Variants in CACNB2 observed in about 807,000 individuals in gnomAD.
CACNB2 encodes the protein voltage-dependent L-type calcium channel subunit beta-2.
In CACNB2, 42 loss-of-function variants were observed where a neutral mutation model predicts 73.3. The observed-to-expected ratio is 0.57, with a 90% confidence interval of 0.45 to 0.74. CACNB2 has a LOEUF of 0.74. Among genes scored for constraint, CACNB2 ranks in the 30% least tolerant of loss-of-function variants. CACNB2 has a pLI of 0.00. For synonymous variants in CACNB2, 348 were observed against 310.3 expected (o/e 1.12, Z -1.28); for missense variants, 940 against 853.0 (o/e 1.10, Z -1.27).
intron 2 of CACNB2, among the ~76,000 whole-genome samples, chr10:18,366,135 A>G (rs1237199591): frequency 6.6e-6 from 1 of 152,148 alleles, no homozygotes; most frequent in Non-Finnish European, 1.5e-5. Context: ...GAGCCTTTCC[A>G]CATCTAGGTC....
At chr10:18,444,545 C>T (rs1012221345) in intron 3 of CACNB2, among the ~76,000 whole-genome samples, 28 of 152,066 alleles carry the variant, frequency 1.8e-4, no homozygotes, top group Admixed American at 3.3e-4. Flanking sequence ...AGTTTTATGG[C>T]GGGAGCAGTG....
intron 2 of CACNB2, among the ~76,000 whole-genome samples, chr10:18,198,084 CT>C (rs2034707894): frequency 6.8e-6 from 1 of 147,266 alleles, no homozygotes; most frequent in Non-Finnish European, 1.5e-5. Flanking sequence ...AACATATTAA[CT>C]TACATAATTA....
intron 3 of CACNB2, among the ~76,000 whole-genome samples, chr10:18,457,062 C>T (rs893493949): frequency 2.0e-5 from 3 of 150,568 alleles, no homozygotes; most frequent in Non-Finnish European, 4.4e-5. Flanking sequence ...ATGCTATGAG[C>T]ATGGGTGCAC....
intron 2 of CACNB2, among the ~76,000 whole-genome samples, chr10:18,254,566 A>G (rs535155287): frequency 6.6e-6 from 1 of 152,334 alleles, no homozygotes; most frequent in African/African-American, 2.4e-5. Context: ...ACCAAAAAAA[A>G]TCCCGTACAT....
chr10:18,444,888 T>A (rs1170796439), intron 3 of CACNB2, among the ~76,000 whole-genome samples: 1 of 152,188 alleles, frequency 6.6e-6, no homozygotes, highest in Non-Finnish European at 1.5e-5. Flanking sequence ...AATGATATCA[T>A]GAGAAGCAAA....
chr10:18,148,727 G>A (rs901631386), intron 1 of CACNB2, among the ~76,000 whole-genome samples: 1 of 152,152 alleles, frequency 6.6e-6, no homozygotes, highest in Non-Finnish European at 1.5e-5. Context: ...GGACATGGTA[G>A]CTCACTCCTG....
chr10:18,193,275 T>TC (rs1048133023), intron 2 of CACNB2, among the ~76,000 whole-genome samples: 4 of 151,688 alleles, frequency 2.6e-5, no homozygotes, highest in African/African-American at 9.7e-5. Flanking sequence ...TCAAGCTTTT[T>TC]TTTTTTTACA....
At chr10:18,300,987 A>G (rs1430060632) in intron 2 of CACNB2, among the ~76,000 whole-genome samples, 10 of 152,364 alleles carry the variant, frequency 6.6e-5, no homozygotes. Context: ...AGTTCCCAAG[A>G]AAATGAGTGA....
At chr10:18,253,283 G>C (rs2037159449) in intron 2 of CACNB2, among the ~76,000 whole-genome samples, 1 of 152,172 alleles carries the variant, frequency 6.6e-6, no homozygotes, top group African/African-American at 2.4e-5. Flanking sequence ...GAATTGCATA[G>C]TAAGGTAAGT....
intron 2 of CACNB2, among the ~76,000 whole-genome samples, chr10:18,190,199 C>T (rs998054408): frequency 6.6e-6 from 1 of 152,184 alleles, no homozygotes; most frequent in African/African-American, 2.4e-5. Flanking sequence ...AAGGGACATG[C>T]TCTCTGGGAT....
At chr10:18,487,025 G>A (rs752433316) in intron 3 of CACNB2, among the ~76,000 whole-genome samples, 10 of 152,170 alleles carry the variant, frequency 6.6e-5, no homozygotes, top group Non-Finnish European at 1.2e-4. Flanking sequence ...AAACGCATGG[G>A]GTTTCATAGT....
intron 2 of CACNB2, among the ~76,000 whole-genome samples, chr10:18,378,043 G>C (rs562975551): frequency 7.2e-5 from 11 of 152,090 alleles, no homozygotes; most frequent in Non-Finnish European, 1.0e-4. Flanking sequence ...TCAGCTGCTT[G>C]TTGGGAAGGC....
At chr10:18,155,061 T>C (rs1378800148) in intron 2 of CACNB2, among the ~76,000 whole-genome samples, 2 of 152,198 alleles carry the variant, frequency 1.3e-5, no homozygotes, top group East Asian at 3.8e-4. Flanking sequence ...TTCTTATTGA[T>C]CATGTAACAT....
At chr10:18,262,431 T>G (rs2037594676) in intron 2 of CACNB2, among the ~76,000 whole-genome samples, 1 of 152,176 alleles carries the variant, frequency 6.6e-6, no homozygotes, top group African/African-American at 2.4e-5. Flanking sequence ...TTTTTGCAGT[T>G]GTTACATATT....
intron 3 of CACNB2, among the ~76,000 whole-genome samples, chr10:18,462,730 A>G (rs142588096): frequency 1.2e-4 from 18 of 151,498 alleles, no homozygotes; most frequent in Admixed American, 8.5e-4. Flanking sequence ...AGTATTTTAT[A>G]TTTTTTACTT....
intron 3 of CACNB2, among the ~76,000 whole-genome samples, chr10:18,432,297 G>C (rs113960835): frequency 6.6e-6 from 1 of 152,254 alleles, no homozygotes; most frequent in African/African-American, 2.4e-5. Context: ...TCACCCAAAA[G>C]CTTCTTCACA....
At chr10:18,418,218 G>A (rs1449898746) in intron 3 of CACNB2, among the ~76,000 whole-genome samples, 1 of 152,164 alleles carries the variant, frequency 6.6e-6, no homozygotes, top group Non-Finnish European at 1.5e-5. Flanking sequence ...GGGACTACAG[G>A]CGCACGCCAC....
chr10:18,169,872 A>G (rs1564312854), intron 2 of CACNB2, among the ~76,000 whole-genome samples: 1 of 152,202 alleles, frequency 6.6e-6, no homozygotes, highest in Non-Finnish European at 1.5e-5. Flanking sequence ...CAACAAGGAC[A>G]TTTATGGACT....
chr10:18,526,031 G>A (rs2133218248), intron 9 of CACNB2, among the ~76,000 whole-genome samples: 1 of 152,250 alleles, frequency 6.6e-6, no homozygotes, highest in Admixed American at 6.5e-5. Flanking sequence ...GAAGATGCCT[G>A]ACAAACTGTC....
Sources: allele counts gnomAD v4.1 joint callset (sites outside exome capture counted in the v4.1 genomes callset), GRCh38; gene constraint gnomAD v4.1.1; transcripts MANE v1.5; gene names NCBI Gene and HGNC (gene_info 2026-07-23, HGNC 2026-07-21).